Variants in FAM227B observed in about 807,000 individuals in gnomAD.
FAM227B encodes family with sequence similarity 227 member B, also known as protein FAM227B.
FAM227B carries 88 observed loss-of-function variants against 73.8 expected under a neutral mutation model. That is an observed-to-expected ratio of 1.19 (90% CI 1.00 to 1.42). FAM227B has a LOEUF of 1.42. FAM227B is among the 40% of genes most tolerant of loss of function. The pLI, the probability that FAM227B is intolerant of heterozygous loss-of-function variation, is 0.00. For synonymous variants in FAM227B, 210 were observed against 190.5 expected (o/e 1.10, Z -0.84); for missense variants, 632 against 590.9 (o/e 1.07, Z -0.72).
chr15:49,577,233 G>T (rs911505739), intron 6 of FAM227B: 50 of 336,152 alleles, frequency 1.5e-4, no homozygotes, highest in Middle Eastern at 3.8e-4. Context: ...GGAGGCAGAG[G>T]TTGCAGTGAG....
chr15:49,409,039 TTTC>T (rs2048705295), intron 11 of FAM227B, among the ~76,000 whole-genome samples: 1 of 152,234 alleles, frequency 6.6e-6, no homozygotes, highest in African/African-American at 2.4e-5. Context: ...CACTTTGATC[TTTC>T]TTCTTTTCTG....
At chr15:49,578,254 G>A (rs59152286) in intron 5 of FAM227B, among the ~76,000 whole-genome samples, 9,039 of 152,208 alleles carry the variant, frequency 0.059, 970 homozygotes, top group African/African-American at 0.21. Flanking sequence ...TTCTCTGGAG[G>A]TAAGTAAACC....
At chr15:49,591,475 C>T (rs1344690375) in intron 3 of FAM227B, among the ~76,000 whole-genome samples, 1 of 138,910 alleles carries the variant, frequency 7.2e-6, no homozygotes, top group Non-Finnish European at 1.5e-5. Context: ...TGCACCTGGC[C>T]CTTCCTTCCT....
intron 11 of FAM227B, among the ~76,000 whole-genome samples, chr15:49,412,909 T>TCATCCA: frequency 6.6e-6 from 1 of 152,144 alleles, no homozygotes; most frequent in South Asian, 2.1e-4. Flanking sequence ...CAGATCTCTC[T>TCATCCA]GATCCAGAAT....
intron 10 of FAM227B, among the ~76,000 whole-genome samples, chr15:49,540,036 A>T (rs1194073927): frequency 6.6e-6 from 1 of 152,156 alleles, no homozygotes; most frequent in South Asian, 2.1e-4. Context: ...GGGTAGCACA[A>T]CAGTGGCTTC....
chr15:49,421,588 A>G (rs553612601), intron 11 of FAM227B, among the ~76,000 whole-genome samples: 1 of 152,368 alleles, frequency 6.6e-6, no homozygotes, highest in East Asian at 1.9e-4. Flanking sequence ...GCACTTAGTT[A>G]GCAAATGTGG....
chr15:49,340,727 G>A (rs376251780), intron 13 of FAM227B, among the ~76,000 whole-genome samples: 3 of 152,086 alleles, frequency 2.0e-5, no homozygotes, highest in Non-Finnish European at 2.9e-5. Context: ...TATTGACTAC[G>A]TTGATGTTTT....
chr15:49,579,945 A>G (rs2075706633), intron 5 of FAM227B, among the ~76,000 whole-genome samples: 1 of 152,166 alleles, frequency 6.6e-6, no homozygotes, highest in African/African-American at 2.4e-5. Flanking sequence ...GTCAGATTTA[A>G]TTAAATGTTA....
intron 11 of FAM227B, among the ~76,000 whole-genome samples, chr15:49,391,699 C>T (rs2047221816): frequency 6.6e-6 from 1 of 152,116 alleles, no homozygotes; most frequent in African/African-American, 2.4e-5. Context: ...ATCTCTGAAT[C>T]CACCTATGAC....
chr15:49,359,992 A>G (rs1296069172), intron 13 of FAM227B, among the ~76,000 whole-genome samples: 1 of 149,398 alleles, frequency 6.7e-6, no homozygotes, highest in Admixed American at 6.7e-5. Flanking sequence ...CGCAAGAACA[A>G]AAAACCAAAC....
In FAM227B at chr15:49,458,389, C is replaced by T. The variant is rs181211674; in HGVS notation, c.1012+49822G>A. Among the ~76,000 whole-genome samples, 331 of 152,108 alleles carry T rather than the reference C, an allele frequency of 2.2e-3. 2 individuals carry two copies. The highest frequency in any genetic ancestry group is 0.014 in the Middle Eastern group (4 of 294). ...GGTCACTTAAACTCATAAACATGCA[C>T]GTCCAGCATAGTTAACTTGTGTTTC... On this transcript the variant is annotated intron_variant, in intron 11 of 15. Transcript: ENST00000299338.
At chr15:49,360,663 C>G (rs1468058845) in intron 13 of FAM227B, among the ~76,000 whole-genome samples, 1 of 152,072 alleles carries the variant, frequency 6.6e-6, no homozygotes, top group Non-Finnish European at 1.5e-5. Context: ...AGCTCTAAAT[C>G]CTAGACATCA....
chr15:49,429,512 T>C (rs1269386803), intron 11 of FAM227B, among the ~76,000 whole-genome samples: 3 of 151,932 alleles, frequency 2.0e-5, no homozygotes, highest in Admixed American at 2.0e-4. Flanking sequence ...AGCTGTACAA[T>C]AACTCTTTAA....
chr15:49,413,113 T>G (rs1172358798), intron 11 of FAM227B, among the ~76,000 whole-genome samples: 1 of 152,132 alleles, frequency 6.6e-6, no homozygotes, highest in African/African-American at 2.4e-5. Context: ...AGGCTTTGTC[T>G]CTGATATGGT....
At chr15:49,357,040 AACAAAGAC>A (rs1236328134) in intron 13 of FAM227B, among the ~76,000 whole-genome samples, 4 of 151,750 alleles carry the variant, frequency 2.6e-5, no homozygotes, top group Non-Finnish European at 5.9e-5. Context: ...AACCAACGAG[AACAAAGAC>A]ACAACATACC....
At chr15:49,348,532 C>T (rs1359746107) in intron 13 of FAM227B, among the ~76,000 whole-genome samples, 1 of 152,168 alleles carries the variant, frequency 6.6e-6, no homozygotes, top group Admixed American at 6.5e-5. Context: ...ATATAGGTTT[C>T]TACTTTCTGA....
At chr15:49,429,901 A>C (rs2050446012) in intron 11 of FAM227B, among the ~76,000 whole-genome samples, 1 of 151,912 alleles carries the variant, frequency 6.6e-6, no homozygotes, top group Admixed American at 6.6e-5. Context: ...AATGATTCTA[A>C]AGTGCAGCTA....
At chr15:49,437,960 G>A (rs2899436) in intron 11 of FAM227B, among the ~76,000 whole-genome samples, 134,319 of 151,336 alleles carry the variant, frequency 0.89, 61,512 homozygotes, top group Non-Finnish European at 0.99. Flanking sequence ...TCAAAGAGCA[G>A]GTGGGAGTGA....
At position 49,596,875 on chromosome 15, in the gene FAM227B, AG is replaced by A. The variant is rs560445210; in HGVS notation, c.106-6869del. 1.1e-4 allele frequency among the ~76,000 whole-genome samples: 16 copies of A among 152,136 alleles called. No individual in the cohort carries two copies. The East Asian group carries it at 2.7e-3, about 26-fold the overall frequency. The stretch of plus-strand genomic sequence containing the variant: ...GCAACAAGAGTTAAAAAAGACAAAG[AG>A]GGACATTATATAATGATGAAAGGCC... On this transcript the variant is annotated intron_variant, in intron 3 of 15. Transcript: ENST00000299338.
Sources: allele counts gnomAD v4.1 joint callset (sites outside exome capture counted in the v4.1 genomes callset), GRCh38; gene constraint gnomAD v4.1.1; transcripts MANE v1.5; gene names NCBI Gene and HGNC (gene_info 2026-07-23, HGNC 2026-07-21).